CNTN5: variants seen among roughly 807,000 people sequenced by gnomAD.
CNTN5 encodes contactin-5.
A neutral mutation model predicts 129.1 loss-of-function variants in CNTN5; 77 were observed. The ratio of observed to expected loss-of-function variants is 0.60; its 90% CI spans 0.50 to 0.72. The LOEUF (loss-of-function observed/expected upper bound fraction) is 0.72, where lower values mean the gene tolerates loss of function less well. CNTN5 is among the 30% of genes least tolerant of loss of function. CNTN5 has a pLI of 0.00. For synonymous variants in CNTN5, 509 were observed against 465.6 expected (o/e 1.09, Z -1.20); for missense variants, 1,478 against 1,328.8 (o/e 1.11, Z -1.75).
At chr11:99,432,917 A>G (rs1236593795) in intron 2 of CNTN5, among the ~76,000 whole-genome samples, 1 of 151,848 alleles carries the variant, frequency 6.6e-6, no homozygotes, top group African/African-American at 2.4e-5. Flanking sequence ...GATACCACCA[A>G]GAAAGTACAC....
intron 1 of CNTN5, among the ~76,000 whole-genome samples, chr11:99,233,668 C>A (rs1861118168): frequency 6.6e-6 from 1 of 152,070 alleles, no homozygotes; most frequent in Admixed American, 6.6e-5. Context: ...TTGTTTTAGG[C>A]CGGATGCGGT....
intron 1 of CNTN5, among the ~76,000 whole-genome samples, chr11:99,080,365 G>A: frequency 6.6e-6 from 1 of 152,136 alleles, no homozygotes; most frequent in East Asian, 1.9e-4. Context: ...TCACAAAGTG[G>A]TGTGGAGAGA....
chr11:100,187,176 T>C (rs1948323718), intron 13 of CNTN5, among the ~76,000 whole-genome samples: 1 of 152,170 alleles, frequency 6.6e-6, no homozygotes, highest in Non-Finnish European at 1.5e-5. Flanking sequence ...GGGATTATGT[T>C]CTTCATTTCA....
chr11:99,488,699 A>T (rs140312473), intron 2 of CNTN5, among the ~76,000 whole-genome samples: 405 of 152,294 alleles, frequency 2.7e-3, no homozygotes, highest in Middle Eastern at 6.8e-3. Flanking sequence ...ATCTTCCTGT[A>T]TACACTGCAA....
chr11:99,914,324 A>G (rs1949734526), intron 6 of CNTN5, among the ~76,000 whole-genome samples: 1 of 152,056 alleles, frequency 6.6e-6, no homozygotes. Context: ...CAAATTAGAA[A>G]TCTTGCCATG....
intron 3 of CNTN5, among the ~76,000 whole-genome samples, chr11:99,769,820 A>C (rs1030685746): frequency 1.4e-5 from 2 of 145,964 alleles, no homozygotes; most frequent in African/African-American, 5.3e-5. Flanking sequence ...CGTCTCAAAA[A>C]AAAAAAAAAC....
In CNTN5 at chr11:99,673,902, G is replaced by A. The variant is rs142175323; in HGVS notation, c.55+117633G>A. Among the ~76,000 whole-genome samples, 272 of 152,244 alleles carry A rather than the reference G, an allele frequency of 1.8e-3. 2 individuals carry two copies. Among genetic ancestry groups the A allele is most frequent in the African/African-American group, 5.4e-3 (226 of 41,538 alleles). ...TGTCTTTGCTATTGTGAATAGTGCT[G>A]CAATGGACATATGCAATCATGTGTT... is the stretch of plus-strand genomic sequence containing the variant. On this transcript the variant is annotated intron_variant, in intron 3 of 24. Transcript: ENST00000524871.
intron 14 of CNTN5, among the ~76,000 whole-genome samples, chr11:100,192,385 T>G (rs1413875280): frequency 6.6e-6 from 1 of 152,046 alleles, no homozygotes; most frequent in South Asian, 2.1e-4. Flanking sequence ...TATGGAACAT[T>G]TGACTTCCAG....
At chr11:100,001,358 C>G (rs1939864838) in intron 8 of CNTN5, among the ~76,000 whole-genome samples, 2 of 152,182 alleles carry the variant, frequency 1.3e-5, no homozygotes, top group African/African-American at 4.8e-5. Context: ...ATGATCCAGT[C>G]ACCTCCTACC....
chr11:99,476,976 G>A (rs1423556875), intron 2 of CNTN5, among the ~76,000 whole-genome samples: 1 of 151,442 alleles, frequency 6.6e-6, no homozygotes, highest in East Asian at 1.9e-4. Flanking sequence ...ACTTATTTTT[G>A]TGGTTTTGCT....
chr11:99,159,375 C>A (rs1860489857), intron 1 of CNTN5, among the ~76,000 whole-genome samples: 1 of 152,186 alleles, frequency 6.6e-6, no homozygotes, highest in Admixed American at 6.5e-5. Context: ...GTAGTCCCAG[C>A]ACTTTGGGAG....
chr11:99,648,310 TA>T (rs1280744815), intron 3 of CNTN5, among the ~76,000 whole-genome samples: 7 of 151,818 alleles, frequency 4.6e-5, no homozygotes, highest in Admixed American at 2.0e-4. Flanking sequence ...AATAAATTTG[TA>T]AAAAATGTTC....
intron 15 of CNTN5, among the ~76,000 whole-genome samples, chr11:100,221,126 G>C (rs1422315207): frequency 6.6e-6 from 1 of 152,162 alleles, no homozygotes; most frequent in African/African-American, 2.4e-5. Flanking sequence ...TAGGGAGAGA[G>C]AGTCCAGAAA....
chr11:99,228,916 T>A (rs1860835074), intron 1 of CNTN5, among the ~76,000 whole-genome samples: 1 of 152,022 alleles, frequency 6.6e-6, no homozygotes, highest in Admixed American at 6.6e-5. Flanking sequence ...CAGTACTGGT[T>A]TTATTTCTTT....
At chr11:99,804,932 A>T (rs1262926856) in intron 3 of CNTN5, among the ~76,000 whole-genome samples, 1 of 151,808 alleles carries the variant, frequency 6.6e-6, no homozygotes, top group Non-Finnish European at 1.5e-5. Flanking sequence ...TCATGATGGA[A>T]CATATAACAG....
chr11:100,131,063 G>A (rs1174395146), intron 13 of CNTN5, among the ~76,000 whole-genome samples: 2 of 152,080 alleles, frequency 1.3e-5, no homozygotes, highest in Non-Finnish European at 2.9e-5. Flanking sequence ...AAAATGTTAA[G>A]TAACTTTTAT....
chr11:100,265,135 C>G (rs1324935075), intron 17 of CNTN5, among the ~76,000 whole-genome samples: 2 of 151,862 alleles, frequency 1.3e-5, no homozygotes, highest in Non-Finnish European at 2.9e-5. Flanking sequence ...TTCTAAAAAC[C>G]CAAGAATTGT....
chr11:100,026,192 T>C (rs1286650392), intron 9 of CNTN5, among the ~76,000 whole-genome samples: 1 of 152,104 alleles, frequency 6.6e-6, no homozygotes, highest in Non-Finnish European at 1.5e-5. Context: ...TCTTATGAGA[T>C]CTGAGGGTTT....
rs34146715 is a variant in CNTN5, at chr11:99,450,768, GTTTTTTT to G, written c.-70-105361_-70-105355del. Among the ~76,000 whole-genome samples, 26 of 105,004 alleles carry G rather than the reference GTTTTTTT, an allele frequency of 2.5e-4. No homozygotes were observed. In the East Asian group the frequency reaches 3.7e-3, roughly 15 times the overall value. 68.9% of individuals were successfully genotyped at this position (105,004 alleles called of 152,430 possible). A position where few individuals can be genotyped will look rare whatever the true frequency, so the allele number is the denominator to read the frequency against. On this transcript the variant is annotated intron_variant, in intron 2 of 24. Transcript: ENST00000524871. Reference sequence around the variant, plus strand: ...GATAGGTGCTCTTGCATTGAAGCAAGTTTTTTTTTTTTTTTTTTTTTTGCTCTTCTGC... The same window carrying G: ...GATAGGTGCTCTTGCATTGAAGCAAGTTTTTTTTTTTTTTTGCTCTTCTGC...
Sources: allele counts gnomAD v4.1 joint callset (sites outside exome capture counted in the v4.1 genomes callset), GRCh38; gene constraint gnomAD v4.1.1; transcripts MANE v1.5; gene names NCBI Gene and HGNC (gene_info 2026-07-23, HGNC 2026-07-21).